FAM91A1: variants seen among roughly 807,000 people sequenced by gnomAD.
FAM91A1 encodes the protein protein FAM91A1.
In FAM91A1, 41 loss-of-function variants were observed where a neutral mutation model predicts 113.5. That is an observed-to-expected ratio of 0.36 (90% CI 0.28 to 0.47). FAM91A1 has a LOEUF of 0.47. Among genes scored for constraint, FAM91A1 ranks in the 20% least tolerant of loss-of-function variants. The pLI is 1.00. For synonymous variants in FAM91A1, 307 were observed against 347.9 expected (o/e 0.88, Z 1.31); for missense variants, 696 against 1,001.2 (o/e 0.70, Z 4.11).
chr8:123,796,024 TA>T (rs1320929186), intron 15 of FAM91A1, among the ~76,000 whole-genome samples: 5 of 152,208 alleles, frequency 3.3e-5, no homozygotes, highest in Non-Finnish European at 7.3e-5. Context: ...ACCTTGCCAG[TA>T]AGGGACTGCC....
At chr8:123,779,903 T>C in intron 6 of FAM91A1, 82 bp from the exon 7 acceptor site, 1 of 1,143,908 alleles carries the variant, frequency 8.7e-7, no homozygotes, top group Non-Finnish European at 1.3e-6. Flanking sequence ...TAATCACTGG[T>C]TTCAACATAA....
chr8:123,791,949 C>T (rs777591537), intron 15 of FAM91A1, among the ~76,000 whole-genome samples: 15 of 152,050 alleles, frequency 9.9e-5, no homozygotes, highest in Non-Finnish European at 2.1e-4. Flanking sequence ...TCGAGGCAGG[C>T]GGTTCACTTG....
At chr8:123,811,703 A>G (rs1249781883) in intron 23 of FAM91A1, among the ~76,000 whole-genome samples, 1 of 152,118 alleles carries the variant, frequency 6.6e-6, no homozygotes, top group Non-Finnish European at 1.5e-5. Context: ...AATGATGGGC[A>G]TACTGAGTAT....
chr8:123,806,672 GT>G (rs1229303507), intron 20 of FAM91A1, among the ~76,000 whole-genome samples: 1 of 151,982 alleles, frequency 6.6e-6, no homozygotes, highest in Non-Finnish European at 1.5e-5. Flanking sequence ...TGTTCAGTTA[GT>G]TTCCAAGTTC....
At position 123,798,151 on chromosome 8, in the gene FAM91A1, C is replaced by T. The variant is rs1815580278; in HGVS notation, c.1473C>T (p.Ser491=). The T allele has an allele frequency of 6.2e-7, 1 of 1,614,118 alleles. No individual in the cohort carries two copies. Among genetic ancestry groups the T allele is most frequent in the Non-Finnish European group, 8.5e-7 (1 of 1,179,996 alleles). The change falls in exon 16 of 24, where the codon AGC becomes AGT. Residue 491 remains serine, a synonymous_variant. Coordinates refer to ENST00000334705, the MANE Select transcript of FAM91A1 (RefSeq NM_144963.4). ...TTGGTTTGGACCCTGCAACTTGCAG[C>T]AGAGTTCTAAACAAAAATTACACGC... ...SLLGLDPATC[S]RVLNKNYTLL... is the part of the protein sequence containing the mutation.
rs1385546668 is a variant in FAM91A1 at position 123,784,630 on chromosome 8, A to T, written c.810+54A>T. 18 of 1,290,052 alleles carry T rather than the reference A, an allele frequency of 1.4e-5. No homozygotes were observed. The South Asian group carries it at 1.6e-4, about 12-fold the overall frequency. The allele number at this position is 1,290,052 out of a possible 1,614,324, so 79.9% of individuals were successfully genotyped here. ...TAATCTCAAGATTGTAAGTTTGTGT[A>T]AAGTAAGTAAAGTTATTTAATATGG... On this transcript the variant is annotated intron_variant, in intron 9 of 23. Coordinates refer to ENST00000334705, the MANE Select transcript of FAM91A1 (RefSeq NM_144963.4).
chr8:123,784,941 T>A (rs925083699), intron 9 of FAM91A1, 140 bp from the exon 10 acceptor site: 1 of 575,764 alleles, frequency 1.7e-6, no homozygotes. Context: ...AGAAGAAAGT[T>A]CTGAATTCAA....
At chr8:123,789,438 T>C (rs1273729728) in intron 14 of FAM91A1, among the ~76,000 whole-genome samples, 175 bp from the exon 15 acceptor site, 1 of 152,244 alleles carries the variant, frequency 6.6e-6, no homozygotes, top group Non-Finnish European at 1.5e-5. Flanking sequence ...TCCATAGATG[T>C]AGTAAAATTG....
intron 22 of FAM91A1, among the ~76,000 whole-genome samples, chr8:123,809,902 G>A (rs1815909956): frequency 6.6e-6 from 1 of 152,140 alleles, no homozygotes; most frequent in Non-Finnish European, 1.5e-5. Flanking sequence ...CTGTTATCAG[G>A]TTGTCTTTTG....
chr8:123,790,528 C>G (rs982485463), intron 15 of FAM91A1, among the ~76,000 whole-genome samples: 6 of 152,182 alleles, frequency 3.9e-5, no homozygotes, highest in African/African-American at 1.4e-4. Context: ...CTCAATACCA[C>G]TATAACGTTT....
At chr8:123,807,326 T>C (rs1247915829) in intron 20 of FAM91A1, among the ~76,000 whole-genome samples, 2 of 151,866 alleles carry the variant, frequency 1.3e-5, no homozygotes, top group African/African-American at 4.8e-5. Flanking sequence ...AATACCTGCT[T>C]AGGTGCTGGA....
rs142385573 is a variant in FAM91A1 at position 123,789,803 on chromosome 8, A to G, written c.1411+58A>G. ...ATCATATGAAACTTTTTTCTAAGAA[A>G]TTAAACAGATCATGCTCACTTATAT... On this transcript the variant is annotated intron_variant, in intron 15 of 23. Coordinates refer to ENST00000334705, the MANE Select transcript of FAM91A1 (RefSeq NM_144963.4). The G allele has an allele frequency of 2.7e-3, 4,211 of 1,571,942 alleles. 11 individuals carry two copies. The highest frequency in any genetic ancestry group is 3.7e-3 in the Middle Eastern group (21 of 5,658).
At chr8:123,810,152 T>G (rs1366219783) in intron 22 of FAM91A1, 130 bp from the exon 23 acceptor site, 14 of 813,224 alleles carry the variant, frequency 1.7e-5, no homozygotes, top group Non-Finnish European at 2.6e-5. Context: ...ACTGAAATTG[T>G]TTTTTAAGAT....
Position 123,768,668 on chromosome 8 carries a change from T to C in FAM91A1, c.-35T>C. 1 of 1,548,284 alleles carries C rather than the reference T, an allele frequency of 6.5e-7. No individual in the cohort carries two copies. Among genetic ancestry groups the C allele is most frequent in the Non-Finnish European group, 8.7e-7 (1 of 1,144,914 alleles). ...GCGGGAGGCGTAGTGTGGGTCGCGGTGGCGGCCCCGGCCGCCGGCCCTGGC... is the reference window on the plus strand; with the variant it reads ...GCGGGAGGCGTAGTGTGGGTCGCGGCGGCGGCCCCGGCCGCCGGCCCTGGC... On this transcript the variant is annotated 5_prime_UTR_variant, in exon 1 of 24. Transcript: ENST00000334705.
intron 4 of FAM91A1, 88 bp downstream of exon 4, chr8:123,777,410 T>A: frequency 8.3e-7 from 1 of 1,203,114 alleles, no homozygotes; most frequent in Non-Finnish European, 1.2e-6. Flanking sequence ...TGTGTGTTTT[T>A]AACCTGAAAT....
Position 123,774,116 on chromosome 8 carries a change from G to T in FAM91A1, c.109G>T (p.Val37Phe). The T allele has an allele frequency of 6.2e-7, 1 of 1,608,024 alleles. No homozygotes were observed. The highest frequency in any genetic ancestry group is 8.5e-7 in the Non-Finnish European group (1 of 1,177,902). The change falls in exon 2 of 24, where the codon GTT (valine) becomes TTT (phenylalanine). Residue 37 changes from valine (V) to phenylalanine (F), a missense_variant. Physicochemically the swap from Val to Phe is conservative, Grantham distance 50 (BLOSUM62 -1). Coordinates refer to ENST00000334705, the MANE Select transcript of FAM91A1 (RefSeq NM_144963.4). ...GNSQREYEKQ[V>F]VLYSIRNQLR... Reference sequence around the variant, plus strand: ...TTCACAGAGAGAATATGAAAAGCAGGTTGTCCTGTACAGTATCCGCAATCA... The same window carrying T: ...TTCACAGAGAGAATATGAAAAGCAGTTTGTCCTGTACAGTATCCGCAATCA...
intron 10 of FAM91A1, among the ~76,000 whole-genome samples, chr8:123,785,356 A>G (rs1424386621): frequency 2.0e-5 from 3 of 152,234 alleles, no homozygotes; most frequent in African/African-American, 7.2e-5. Context: ...GAAGCAGCCC[A>G]AGCAGTATCT....
At chr8:123,780,330 T>G in intron 7 of FAM91A1, 150 bp from the exon 8 acceptor site, 1 of 745,158 alleles carries the variant, frequency 1.3e-6, no homozygotes, top group Non-Finnish European at 2.1e-6. Flanking sequence ...ATTTAAAAAC[T>G]TTAATTCTTT....
chr8:123,773,405 C>T (rs6990565), intron 1 of FAM91A1, among the ~76,000 whole-genome samples: 1 of 151,968 alleles, frequency 6.6e-6, no homozygotes, highest in Non-Finnish European at 1.5e-5. Context: ...TTATGGTCTC[C>T]CAGTGAATAT....
Sources: allele counts gnomAD v4.1 joint callset (sites outside exome capture counted in the v4.1 genomes callset), GRCh38; gene constraint gnomAD v4.1.1; transcripts MANE v1.5; gene names NCBI Gene and HGNC (gene_info 2026-07-23, HGNC 2026-07-21).